Variants in DOK6 observed in about 807,000 individuals in gnomAD.
DOK6 encodes docking protein 6.
Under a neutral mutation model 44.0 loss-of-function variants are expected in DOK6, and 22 were observed. The ratio of observed to expected loss-of-function variants is 0.50; its 90% CI spans 0.36 to 0.71. DOK6 has a LOEUF of 0.71. DOK6 is among the 30% of genes least tolerant of loss of function. DOK6 has a pLI of 0.00. For synonymous variants in DOK6, 166 were observed against 145.5 expected (o/e 1.14, Z -1.01); for missense variants, 340 against 416.4 (o/e 0.82, Z 1.60).
intron 7 of DOK6, among the ~76,000 whole-genome samples, chr18:69,794,959 T>TC (rs1463386523): frequency 2.0e-5 from 3 of 152,068 alleles, no homozygotes; most frequent in Non-Finnish European, 4.4e-5. Context: ...AGCTTAGGGC[T>TC]CCCACTGATT....
chr18:69,436,842 T>G (rs886250618), intron 1 of DOK6, among the ~76,000 whole-genome samples: 2 of 152,146 alleles, frequency 1.3e-5, no homozygotes, highest in African/African-American at 4.8e-5. Context: ...ACTTTTTAAT[T>G]ATCACCATTG....
At chr18:69,819,386 A>T (rs1272819076) in intron 7 of DOK6, among the ~76,000 whole-genome samples, 2 of 152,166 alleles carry the variant, frequency 1.3e-5, no homozygotes, top group Admixed American at 6.6e-5. Context: ...CAATTCTGCT[A>T]TCCTGGCTGC....
chr18:69,597,980 A>G (rs1216588685), intron 2 of DOK6, among the ~76,000 whole-genome samples: 2 of 152,216 alleles, frequency 1.3e-5, no homozygotes, highest in African/African-American at 4.8e-5. Context: ...CTTGACAAGT[A>G]ACTTTCAGCC....
At chr18:69,773,620 G>A (rs1198687849) in intron 7 of DOK6, among the ~76,000 whole-genome samples, 1 of 151,920 alleles carries the variant, frequency 6.6e-6, no homozygotes, top group Admixed American at 6.6e-5. Flanking sequence ...CAATTTATGT[G>A]GAGTATATGA....
chr18:69,786,246 C>G (rs1980425216), intron 7 of DOK6, among the ~76,000 whole-genome samples: 1 of 152,194 alleles, frequency 6.6e-6, no homozygotes, highest in African/African-American at 2.4e-5. Context: ...AACCAAAGCA[C>G]ATGATAATAA....
intron 1 of DOK6, among the ~76,000 whole-genome samples, chr18:69,550,186 CAAAATTCTA>C (rs1235423353): frequency 0.014 from 2,075 of 147,668 alleles, 35 homozygotes; most frequent in Middle Eastern, 0.028. Flanking sequence ...TCTGCGTCTA[CAAAATTCTA>C]TTACTAAGAA....
chr18:69,702,414 G>C (rs1426145285), intron 5 of DOK6, among the ~76,000 whole-genome samples: 4 of 152,068 alleles, frequency 2.6e-5, no homozygotes, highest in Non-Finnish European at 5.9e-5. Context: ...CTAAAATATA[G>C]TCAAACACAA....
At chr18:69,818,697 T>C (rs1270344373) in intron 7 of DOK6, among the ~76,000 whole-genome samples, 2 of 152,230 alleles carry the variant, frequency 1.3e-5, no homozygotes, top group Non-Finnish European at 2.9e-5. Flanking sequence ...AGCCTAGCTA[T>C]GTTTACACAT....
chr18:69,448,818 C>T (rs1001972919), intron 1 of DOK6, among the ~76,000 whole-genome samples: 1 of 152,134 alleles, frequency 6.6e-6, no homozygotes, highest in Non-Finnish European at 1.5e-5. Flanking sequence ...ACTATTTATT[C>T]TACCAATACT....
rs374267091 is a variant in DOK6 at position 69,757,751 on chromosome 18, T to C, written c.739-5T>C. The C allele has an allele frequency of 1.2e-5, 19 of 1,613,010 alleles. No homozygotes were observed. Among genetic ancestry groups the C allele is most frequent in the Non-Finnish European group, 1.6e-5 (19 of 1,179,014 alleles). ...AGGCCTAAAACACATTCTTTTCTCT[T>C]TTAGCTTCAGACAAGCTTGACTGAA... On this transcript the variant is annotated splice_region_variant and splice_polypyrimidine_tract_variant and intron_variant, in intron 6 of 7. Coordinates refer to ENST00000382713, the MANE Select transcript of DOK6 (RefSeq NM_152721.6).
chr18:69,511,175 A>G (rs1981355113), intron 1 of DOK6, among the ~76,000 whole-genome samples: 1 of 152,148 alleles, frequency 6.6e-6, no homozygotes, highest in African/African-American at 2.4e-5. Flanking sequence ...TTATCTGTTG[A>G]CAGTTATGTA....
chr18:69,473,829 A>G (rs1040596474), intron 1 of DOK6, among the ~76,000 whole-genome samples: 6 of 152,178 alleles, frequency 3.9e-5, no homozygotes, highest in Admixed American at 6.5e-5. Context: ...ACTGTCTCCT[A>G]CGATTACAAA....
rs779057964 is a variant in DOK6, at chr18:69,401,217, G to A, written c.-28G>A. On this transcript the variant is annotated 5_prime_UTR_variant, in exon 1 of 8. Transcript: ENST00000382713. ...CTCTCGACTCCGGAGAGCGGATCGC[G>A]GGGCGCAGGAGCCCGATCGCGCTGG... The A allele has an allele frequency of 6.5e-7, 1 of 1,542,752 alleles. No homozygotes were observed. The highest frequency in any genetic ancestry group is 8.7e-7 in the Non-Finnish European group (1 of 1,146,406).
intron 4 of DOK6, among the ~76,000 whole-genome samples, chr18:69,687,967 A>G (rs940265856): frequency 2.0e-5 from 3 of 152,206 alleles, no homozygotes; most frequent in African/African-American, 7.2e-5. Flanking sequence ...GAAAGTAACT[A>G]TAGCTAACAA....
intron 2 of DOK6, among the ~76,000 whole-genome samples, chr18:69,592,002 G>A (rs1389214461): frequency 6.6e-6 from 1 of 151,934 alleles, no homozygotes; most frequent in Non-Finnish European, 1.5e-5. Context: ...TTGAGTTTTG[G>A]AAAAATGCAA....
At chr18:69,556,248 C>A (rs568824589) in intron 1 of DOK6, among the ~76,000 whole-genome samples, 94 of 152,266 alleles carry the variant, frequency 6.2e-4, no homozygotes, top group African/African-American at 2.2e-3. Context: ...TCCACGCTGG[C>A]CCCTTGCAGC....
intron 1 of DOK6, among the ~76,000 whole-genome samples, chr18:69,427,817 A>C: frequency 6.7e-6 from 1 of 149,114 alleles, no homozygotes; most frequent in African/African-American, 2.5e-5. Context: ...CACTCTTCTC[A>C]CCCAGGCCGG....
chr18:69,570,553 T>C (rs930584004), intron 2 of DOK6, among the ~76,000 whole-genome samples: 10 of 152,102 alleles, frequency 6.6e-5, no homozygotes, highest in Admixed American at 1.3e-4. Context: ...AATTCCCAAA[T>C]TTGTTGAAAG....
At chr18:69,759,848 T>C (rs943335938) in intron 7 of DOK6, among the ~76,000 whole-genome samples, 2 of 152,214 alleles carry the variant, frequency 1.3e-5, no homozygotes, top group Admixed American at 6.5e-5. Flanking sequence ...GGTTGGTTGG[T>C]GATGATTACA....
Sources: gnomAD v4.1 joint callset for allele counts (sites outside exome capture counted in the v4.1 genomes callset) on GRCh38, gnomAD v4.1.1 for gene constraint, MANE v1.5 for transcripts, NCBI Gene and HGNC (gene_info 2026-07-23, HGNC 2026-07-21) for gene names.